Variants in AGBL4 observed in about 807,000 individuals in gnomAD.
The protein encoded by AGBL4 is cytosolic carboxypeptidase 6.
A neutral mutation model predicts 66.4 loss-of-function variants in AGBL4; 58 were observed. The ratio of observed to expected loss-of-function variants is 0.87; its 90% CI spans 0.71 to 1.09. AGBL4 has a LOEUF of 1.09. Among genes scored for constraint, AGBL4 ranks in the 50% least tolerant of loss-of-function variants. AGBL4 has a pLI of 0.00. For missense variants in AGBL4, 579 were observed against 631.0 expected (o/e 0.92, Z 0.88); for synonymous variants, 234 against 222.9 (o/e 1.05, Z -0.44).
At chr1:49,955,608 C>A (rs999757663) in intron 1 of AGBL4, among the ~76,000 whole-genome samples, 1 of 151,878 alleles carries the variant, frequency 6.6e-6, no homozygotes, top group Non-Finnish European at 1.5e-5. Flanking sequence ...TATCTATAAC[C>A]TTAAACTGAA....
rs377331094 is a variant in AGBL4 at position 49,806,922 on chromosome 1, C to A, written c.157+44474G>T. On this transcript the variant is annotated intron_variant, in intron 2 of 13. Coordinates refer to ENST00000371839, the MANE Select transcript of AGBL4 (RefSeq NM_032785.4). ...TGTGGTACAGGCAGTAGTTGCCACC[C>A]CTCTAGAGGACACAGACAGTAAACC... Among the ~76,000 whole-genome samples, 50 of 152,246 alleles carry A rather than the reference C, an allele frequency of 3.3e-4. 1 individual carries two copies. The South Asian group carries it at 9.3e-3, about 28-fold the overall frequency.
At chr1:48,572,668 G>C (rs565501405) in intron 11 of AGBL4, among the ~76,000 whole-genome samples, 36 of 152,272 alleles carry the variant, frequency 2.4e-4, no homozygotes, top group Admixed American at 2.0e-3. Flanking sequence ...GCTATGCAGA[G>C]AGAGACCTGG....
chr1:49,559,535 C>A (rs1315115911), intron 3 of AGBL4, among the ~76,000 whole-genome samples: 1 of 152,144 alleles, frequency 6.6e-6, no homozygotes, highest in African/African-American at 2.4e-5. Flanking sequence ...ATCCACCCTC[C>A]ATTTTGGTGG....
chr1:49,677,709 A>G (rs1646607929), intron 3 of AGBL4, among the ~76,000 whole-genome samples: 1 of 152,124 alleles, frequency 6.6e-6, no homozygotes, highest in African/African-American at 2.4e-5. Flanking sequence ...TCTCAATGTG[A>G]TGACATTTGG....
At chr1:49,723,293 G>T (rs190329309) in intron 2 of AGBL4, among the ~76,000 whole-genome samples, 2 of 151,916 alleles carry the variant, frequency 1.3e-5, no homozygotes, top group East Asian at 3.9e-4. Context: ...TATTTATTTA[G>T]GTCAGAAAAA....
intron 3 of AGBL4, among the ~76,000 whole-genome samples, chr1:49,603,666 A>G (rs1448785071): frequency 1.3e-5 from 2 of 152,166 alleles, no homozygotes; most frequent in African/African-American, 4.8e-5. Flanking sequence ...TCATTACATT[A>G]CAAGTGGTGT....
chr1:49,930,937 C>T (rs1196375099), intron 1 of AGBL4, among the ~76,000 whole-genome samples: 2 of 152,054 alleles, frequency 1.3e-5, no homozygotes, highest in Non-Finnish European at 2.9e-5. Context: ...TTAAAAGCAT[C>T]CTGATTTGAA....
intron 1 of AGBL4, among the ~76,000 whole-genome samples, chr1:49,981,421 A>G (rs946298501): frequency 3.9e-5 from 6 of 152,178 alleles, no homozygotes; most frequent in African/African-American, 1.4e-4. Context: ...TACCATTTTT[A>G]TGATTCATTG....
At position 50,023,851 on chromosome 1, in the gene AGBL4, CG is replaced by C; in HGVS notation, c.-56del. ...GCGAAGACCGCGGGGCAGTAGGGAGCGGGTGGTGGGATCAGTGGGCTGACAG... is the reference window on the plus strand; with the variant it reads ...GCGAAGACCGCGGGGCAGTAGGGAGCGGTGGTGGGATCAGTGGGCTGACAG... On this transcript the variant is annotated 5_prime_UTR_variant, in exon 1 of 14. Coordinates refer to ENST00000371839, the MANE Select transcript of AGBL4 (RefSeq NM_032785.4). The C allele has an allele frequency of 6.5e-7, 1 of 1,531,500 alleles. No individual in the cohort carries two copies. The highest frequency in any genetic ancestry group is 8.8e-7 in the Non-Finnish European group (1 of 1,136,798). The allele number at this position is 1,531,500 out of a possible 1,614,324, so 94.9% of individuals were successfully genotyped here.
intron 1 of AGBL4, among the ~76,000 whole-genome samples, chr1:49,905,695 T>C (rs756106443): frequency 3.3e-5 from 5 of 152,156 alleles, no homozygotes; most frequent in Non-Finnish European, 5.9e-5. Context: ...ATCCCCAATT[T>C]CAACAGATCC....
At chr1:48,637,620 G>GAGTGCTGTGCAGC (rs141348290) in intron 8 of AGBL4, among the ~76,000 whole-genome samples, 9,411 of 152,260 alleles carry the variant, frequency 0.062, 311 homozygotes, top group South Asian at 0.086. Context: ...AGGCAGCAGG[G>GAGTGCTGTGCAGC]AGTGCTGTGC....
chr1:49,408,812 T>G (rs1273738044), intron 3 of AGBL4, among the ~76,000 whole-genome samples: 1 of 152,194 alleles, frequency 6.6e-6, no homozygotes, highest in Non-Finnish European at 1.5e-5. Context: ...CAGATTGGCT[T>G]CCTTGCTCCT....
At chr1:49,855,679 A>C (rs1462333781) in intron 1 of AGBL4, among the ~76,000 whole-genome samples, 1 of 152,224 alleles carries the variant, frequency 6.6e-6, no homozygotes. Flanking sequence ...AAAATTAAGA[A>C]GAAAAATTTA....
rs1480453718 is a variant in AGBL4 at position 49,072,703 on chromosome 1, C to A, written c.378-26903G>T. ...TTTCCTTCATTTCAACCTTGGTGAA[C>A]CTGACGATTATGTGTCTTGGGGTTG... On this transcript the variant is annotated intron_variant, in intron 4 of 13. Coordinates refer to ENST00000371839, the MANE Select transcript of AGBL4 (RefSeq NM_032785.4). Among the ~76,000 whole-genome samples the A allele has an allele frequency of 2.0e-5, 3 of 152,092 alleles. No homozygotes were observed. In the East Asian group the frequency reaches 5.8e-4, roughly 29 times the overall value.
chr1:49,079,008 C>T (rs2147951862), intron 4 of AGBL4, among the ~76,000 whole-genome samples: 1 of 152,320 alleles, frequency 6.6e-6, no homozygotes, highest in African/African-American at 2.4e-5. Flanking sequence ...CACTTGCCCA[C>T]TCTGTTACAC....
rs369951001 is a variant in AGBL4 at position 49,311,332 on chromosome 1, T to C, written c.283-65468A>G. ...AGATCTTTTTCAATTCTTCTCATTG[T>C]CCCTTACAAACGAAGAATACAGAGA... On this transcript the variant is annotated intron_variant, in intron 3 of 13. Coordinates refer to ENST00000371839, the MANE Select transcript of AGBL4 (RefSeq NM_032785.4). Among the ~76,000 whole-genome samples, 216 of 152,098 alleles carry C rather than the reference T, an allele frequency of 1.4e-3. 2 individuals carry two copies. The highest frequency in any genetic ancestry group is 9.5e-3 in the South Asian group (46 of 4,822).
chr1:48,724,629 C>T (rs1647202517), intron 6 of AGBL4, among the ~76,000 whole-genome samples: 1 of 152,150 alleles, frequency 6.6e-6, no homozygotes, highest in Non-Finnish European at 1.5e-5. Context: ...TGGAAAAAGA[C>T]TACATGAGAT....
intron 10 of AGBL4, among the ~76,000 whole-genome samples, chr1:48,587,668 A>G (rs774636271): frequency 6.6e-6 from 1 of 150,662 alleles, no homozygotes; most frequent in Non-Finnish European, 1.5e-5. Flanking sequence ...TTTGAGATGA[A>G]GTCTCGCTCT....
intron 8 of AGBL4, among the ~76,000 whole-genome samples, chr1:48,643,885 G>T (rs1298939041): frequency 6.6e-6 from 1 of 152,164 alleles, no homozygotes; most frequent in African/African-American, 2.4e-5. Context: ...GTGCTTTCTA[G>T]GAGGCTTCTT....
Sources: gnomAD v4.1 joint callset for allele counts (sites outside exome capture counted in the v4.1 genomes callset) on GRCh38, gnomAD v4.1.1 for gene constraint, MANE v1.5 for transcripts, NCBI Gene and HGNC (gene_info 2026-07-23, HGNC 2026-07-21) for gene names.